STMN1: variants seen among roughly 807,000 people sequenced by gnomAD.
STMN1 encodes stathmin.
STMN1 carries 3 observed loss-of-function variants against 19.7 expected under a neutral mutation model. That is an observed-to-expected ratio of 0.15 (90% confidence interval 0.07 to 0.39). The LOEUF is 0.39. STMN1 is among the 10% of genes least tolerant of loss of function. The pLI is 1.00. For synonymous variants in STMN1, 59 were observed against 58.9 expected (o/e 1.00, Z -0.01); for missense variants, 99 against 176.0 (o/e 0.56, Z 2.48).
At chr1:25,889,002 C>G in intron 4 of STMN1, 1 of 490,392 alleles carries the variant, frequency 2.0e-6, no homozygotes, top group Non-Finnish European at 4.1e-6. Context: ...GGTCAAGAAA[C>G]AAAAGCAAAA....
chr1:25,901,381 A>C (rs2048872245), intron 4 of STMN1, 110 bp downstream of exon 4: 2 of 1,355,452 alleles, frequency 1.5e-6, no homozygotes, highest in Non-Finnish European at 2.0e-6. Context: ...TAAGCCCCAA[A>C]ATGGATGACA....
chr1:25,888,995 C>T, intron 4 of STMN1: 1 of 488,552 alleles, frequency 2.0e-6, no homozygotes, highest in Non-Finnish European at 4.1e-6. Context: ...ACTTCCTGGT[C>T]AAGAAACAAA....
intron 4 of STMN1, among the ~76,000 whole-genome samples, chr1:25,889,780 G>A (rs2048756641): frequency 6.6e-6 from 1 of 152,038 alleles, no homozygotes; most frequent in African/African-American, 2.4e-5. Flanking sequence ...CCTCGCCCTG[G>A]CCCCAGGCTA....
In STMN1 at chr1:25,890,071, G is replaced by A. The variant is rs547101378; in HGVS notation, c.379-4202C>T. Among the ~76,000 whole-genome samples the A allele has an allele frequency of 8.5e-5, 13 of 152,288 alleles. No homozygotes were observed. The East Asian group carries it at 2.1e-3, about 25-fold the overall frequency. Reference sequence around the variant, plus strand: ...AGAGACCTTGTCTGCCTTGTCCATCGCTGTATCCTCAGGACCTAACACTGC... The same window carrying A: ...AGAGACCTTGTCTGCCTTGTCCATCACTGTATCCTCAGGACCTAACACTGC... On this transcript the variant is annotated intron_variant, in intron 4 of 4. Coordinates refer to the STMN1 transcript ENST00000426559.
At chr1:25,905,751 ACCC>A (rs1368653706) in intron 1 of STMN1, 1 of 139,874 alleles carries the variant, frequency 7.1e-6, no homozygotes, top group Non-Finnish European at 1.6e-5. Flanking sequence ...CGCCGCCACC[ACCC>A]CCTTCACAGT....
rs766743860 is a variant in STMN1 at position 25,903,660 on chromosome 1, G to A, written c.167C>T (p.Ala56Val). The A allele has an allele frequency of 6.2e-7, 1 of 1,612,846 alleles. No individual in the cohort carries two copies. ...SLEEIQKKLE[A>V]AEERRKSHEA... ...GTTTACCTTGCGTCTTTCTTCTGCA[G>A]CTTCTAATTTCTTCTGAATTTCCTC... Residue 56 changes from alanine (A) to valine (V), a missense_variant, in exon 3 of 5, where the codon GCT becomes GTT. Transcript: ENST00000455785.
intron 4 of STMN1, among the ~76,000 whole-genome samples, chr1:25,890,865 C>T (rs1352151223): frequency 1.3e-5 from 2 of 152,098 alleles, no homozygotes; most frequent in Admixed American, 6.5e-5. Context: ...CCCATGAATT[C>T]AAGCCAGAAT....
chr1:25,888,825 C>T (rs159523), intron 4 of STMN1: 123,722 of 243,570 alleles, frequency 0.51, 33,876 homozygotes, highest in South Asian at 0.72. Context: ...CTAGGTATCA[C>T]GTCTCTGTTC....
chr1:25,904,571 CAT>C (rs1281849158), intron 2 of STMN1, 91 bp downstream of exon 2: 1 of 1,179,316 alleles, frequency 8.5e-7, no homozygotes, highest in Non-Finnish European at 1.2e-6. Flanking sequence ...AAGACCAAAA[CAT>C]AAGTGCCAAA....
rs1477355462 is a variant in STMN1 at position 25,900,716 on chromosome 1, A to C, written c.*300T>G. The C allele has an allele frequency of 1.8e-6, 2 of 1,121,620 alleles. No homozygotes were observed. Among genetic ancestry groups the C allele is most frequent in the Non-Finnish European group, 2.2e-6 (2 of 917,692 alleles). The allele number at this position is 1,121,620 out of a possible 1,614,324, so 69.5% of individuals were successfully genotyped here. ...ACTCTTTTCACAAATATGTTTTCAC[A>C]GAGCCAATACAGTACTAGCCATTAA... On this transcript the variant is annotated 3_prime_UTR_variant, in exon 5 of 5. Transcript: ENST00000455785.
chr1:25,898,519 C>A (rs1167484171), downstream of STMN1, among the ~76,000 whole-genome samples: 1 of 152,212 alleles, frequency 6.6e-6, no homozygotes, highest in Non-Finnish European at 1.5e-5. Context: ...CCATCCCTAG[C>A]GCAAAGGCCA....
intron 4 of STMN1, chr1:25,892,576 A>AGGG (rs1318551713): frequency 2.4e-5 from 24 of 984,360 alleles, no homozygotes; most frequent in Non-Finnish European, 2.8e-5. Flanking sequence ...TGAGCCGCTG[A>AGGG]GGGTCCCCTC....
chr1:25,902,528 C>G (rs540946098), intron 3 of STMN1: 12 of 152,368 alleles, frequency 7.9e-5, no homozygotes, highest in African/African-American at 2.9e-4. Flanking sequence ...ACCCCTTCAA[C>G]AGAACAGCTT....
intron 4 of STMN1, chr1:25,888,860 G>A: frequency 7.6e-6 from 2 of 261,516 alleles, no homozygotes; most frequent in Non-Finnish European, 1.6e-5. Flanking sequence ...ATGGGAAAAG[G>A]GCAAAAGGTA....
chr1:25,903,857 T>C (rs771090700), intron 2 of STMN1, 44 bp from the exon 3 acceptor site: 31 of 1,556,006 alleles, frequency 2.0e-5, no homozygotes, highest in Non-Finnish European at 2.5e-5. Context: ...AGGATTCTCC[T>C]GTTCTAATAA....
At chr1:25,886,105 A>T (rs557970031) in intron 4 of STMN1, among the ~76,000 whole-genome samples, 145 of 152,308 alleles carry the variant, frequency 9.5e-4, no homozygotes, top group Non-Finnish European at 1.5e-3. Flanking sequence ...AAGGTCAGGC[A>T]GGAACGGGGT....
At chr1:25,903,444 A>G (rs2048897902) in intron 3 of STMN1, 197 bp downstream of exon 3, 1 of 660,886 alleles carries the variant, frequency 1.5e-6, no homozygotes, top group South Asian at 2.0e-5. Context: ...ACCATGTATT[A>G]AAGGAGAAAA....
chr1:25,903,068 G>GT (rs1466819323), intron 3 of STMN1: 1 of 152,118 alleles, frequency 6.6e-6, no homozygotes, highest in Non-Finnish European at 1.5e-5. Context: ...ATAAATTTCT[G>GT]TATTTCCCAA....
chr1:25,905,166 G>A (rs1323967485), intron 1 of STMN1: 1 of 153,668 alleles, frequency 6.5e-6, no homozygotes, highest in Non-Finnish European at 1.4e-5. Flanking sequence ...TGTGTCTGAC[G>A]TGGTGGATAA....
Sources: allele counts gnomAD v4.1 joint callset (sites outside exome capture counted in the v4.1 genomes callset), GRCh38; gene constraint gnomAD v4.1.1; transcripts MANE v1.5; gene names NCBI Gene and HGNC (gene_info 2026-07-23, HGNC 2026-07-21).